Variants in TRIO observed in about 807,000 individuals in gnomAD.
TRIO encodes triple functional domain protein.
In TRIO, 58 loss-of-function variants were observed where a neutral mutation model predicts 351.9. The observed-to-expected ratio is 0.16, with a 90% CI of 0.13 to 0.21. TRIO has a LOEUF of 0.21. Among genes scored for constraint, TRIO ranks in the 10% least tolerant of loss-of-function variants. TRIO has a pLI of 1.00. For synonymous variants in TRIO, 1,758 were observed against 1,595.7 expected, an observed-to-expected ratio of 1.10 and a Z score of -2.42; for missense variants, 3,201 against 4,027.8, an observed-to-expected ratio of 0.79 and a Z score of 5.56.
chr5:14,248,261 C>T (rs1794549334), intron 1 of TRIO, among the ~76,000 whole-genome samples: 1 of 152,080 alleles, frequency 6.6e-6, no homozygotes, highest in Non-Finnish European at 1.5e-5. Context: ...AATGTTATTA[C>T]CTTCCCACTT....
intron 1 of TRIO, among the ~76,000 whole-genome samples, chr5:14,227,952 C>G (rs1793154775): frequency 1.3e-5 from 2 of 152,058 alleles, no homozygotes; most frequent in Non-Finnish European, 2.9e-5. Context: ...GTGAGGACAG[C>G]TCATCATTAA....
chr5:14,155,488 T>A (rs1222670457), intron 1 of TRIO, among the ~76,000 whole-genome samples: 17 of 152,216 alleles, frequency 1.1e-4, no homozygotes, highest in Admixed American at 1.1e-3. Context: ...AAAATTATGG[T>A]CCAGGATCTC....
At chr5:14,255,054 T>C (rs1400915900) in intron 1 of TRIO, among the ~76,000 whole-genome samples, 1 of 152,146 alleles carries the variant, frequency 6.6e-6, no homozygotes, top group South Asian at 2.1e-4. Context: ...GAATCCAAAA[T>C]TGATTTCAGA....
intron 40 of TRIO, among the ~76,000 whole-genome samples, chr5:14,474,409 T>C (rs1319774252): frequency 6.6e-6 from 1 of 152,208 alleles, no homozygotes; most frequent in Non-Finnish European, 1.5e-5. Context: ...TCGGCCTCCC[T>C]GCTGTACACT....
intron 34 of TRIO, among the ~76,000 whole-genome samples, chr5:14,445,505 G>A (rs1221179716): frequency 1.3e-5 from 2 of 152,130 alleles, no homozygotes; most frequent in Admixed American, 6.5e-5. Flanking sequence ...TTTAATATTT[G>A]ACTATAAGAA....
chr5:14,401,812 T>A (rs1273795699), intron 31 of TRIO, among the ~76,000 whole-genome samples: 2 of 152,142 alleles, frequency 1.3e-5, no homozygotes, highest in Non-Finnish European at 2.9e-5. Context: ...GGCTTTGGGA[T>A]GTTTGGGGGA....
At chr5:14,207,457 T>A (rs1464993885) in intron 1 of TRIO, among the ~76,000 whole-genome samples, 7 of 48,520 alleles carry the variant, frequency 1.4e-4, no homozygotes, top group Non-Finnish European at 2.3e-4. Flanking sequence ...AGCAAGACTG[T>A]CTCTCTACAC....
chr5:14,215,631 C>T (rs1454033515), intron 1 of TRIO, among the ~76,000 whole-genome samples: 1 of 152,126 alleles, frequency 6.6e-6, no homozygotes, highest in African/African-American at 2.4e-5. Context: ...GATCTTTTAG[C>T]GCCAAGATCT....
intron 55 of TRIO, 29 bp from the exon 56 acceptor site, chr5:14,507,093 A>T: frequency 6.4e-7 from 1 of 1,555,720 alleles, no homozygotes; most frequent in Non-Finnish European, 8.7e-7. Flanking sequence ...AAATCGCATC[A>T]TAACAGTCAC....
chr5:14,474,226 G>A (rs1278208906), intron 40 of TRIO, 129 bp downstream of exon 40: 2 of 790,376 alleles, frequency 2.5e-6, no homozygotes, highest in South Asian at 2.0e-5. Flanking sequence ...GGGAGCTGGT[G>A]CAAAGGAGAT....
At chr5:14,257,178 G>A (rs746454441) in intron 1 of TRIO, among the ~76,000 whole-genome samples, 2 of 152,236 alleles carry the variant, frequency 1.3e-5, no homozygotes, top group Non-Finnish European at 2.9e-5. Flanking sequence ...GTCCAGTCGC[G>A]GCTTTCCGCC....
chr5:14,481,583 G>A lies in TRIO; in HGVS notation c.6430G>A (p.Asp2144Asn), dbSNP rs747908803. The change falls in exon 45 of 57, where the codon GAC (aspartate) becomes AAC (asparagine). Residue 2144 changes from aspartate (D) to asparagine (N), a missense_variant. Coordinates refer to ENST00000344204, the MANE Select transcript of TRIO (RefSeq NM_007118.4). ...VMCIVPRRCN[D>N]MMNVGRLQGF... ...GTGCATAGTACCCAGGCGGTGCAAC[G>A]ACATGATGAACGTGGGGCGGCTGCA... is the stretch of plus-strand genomic sequence containing the variant. The A allele has an allele frequency of 3.7e-6, 6 of 1,614,008 alleles. No homozygotes were observed. The highest frequency in any genetic ancestry group is 1.1e-5 in the South Asian group (1 of 91,044).
chr5:14,428,434 G>A (rs1006992236), intron 34 of TRIO, among the ~76,000 whole-genome samples: 8 of 152,072 alleles, frequency 5.3e-5, no homozygotes, highest in African/African-American at 1.7e-4. Context: ...TGTTTGAACA[G>A]CTGCTAATGT....
At chr5:14,329,935 A>G (rs1489622108) in intron 9 of TRIO, among the ~76,000 whole-genome samples, 1 of 152,170 alleles carries the variant, frequency 6.6e-6, no homozygotes, top group African/African-American at 2.4e-5. Context: ...GTTTCAGTCC[A>G]CATTTGGTTG....
chr5:14,377,855 A>G (rs1029953153), intron 19 of TRIO, among the ~76,000 whole-genome samples, 157 bp from the exon 20 acceptor site: 1 of 152,216 alleles, frequency 6.6e-6, no homozygotes, highest in Admixed American at 6.5e-5. Context: ...GGTCTGGTAG[A>G]CATGCTCACT....
At chr5:14,244,908 C>A (rs1045457807) in intron 1 of TRIO, among the ~76,000 whole-genome samples, 1 of 152,080 alleles carries the variant, frequency 6.6e-6, no homozygotes, top group Admixed American at 6.5e-5. Flanking sequence ...AGGGGGTGGG[C>A]TGCAAGGGCA....
chr5:14,174,585 T>C (rs1789295267), intron 1 of TRIO, among the ~76,000 whole-genome samples: 1 of 152,210 alleles, frequency 6.6e-6, no homozygotes, highest in African/African-American at 2.4e-5. Flanking sequence ...CAGGGTCGTA[T>C]ACAACACACA....
At position 14,221,628 on chromosome 5, in the gene TRIO, A is replaced by T. The variant is rs528354411; in HGVS notation, c.158-49197A>T. Among the ~76,000 whole-genome samples, 6 of 152,368 alleles carry T rather than the reference A, an allele frequency of 3.9e-5. No individual in the cohort carries two copies. The South Asian group carries it at 1.2e-3, about 32-fold the overall frequency. ...CACTTCAGTGGAAGAAGTAACTACA[A>T]ATATGGTGGAAACGGCAAGAGAACT... On this transcript the variant is annotated intron_variant, in intron 1 of 56. Coordinates refer to ENST00000344204, the MANE Select transcript of TRIO (RefSeq NM_007118.4).
intron 34 of TRIO, among the ~76,000 whole-genome samples, chr5:14,425,142 T>C (rs1052733872): frequency 9.2e-5 from 14 of 152,250 alleles, no homozygotes; most frequent in African/African-American, 1.9e-4. Flanking sequence ...CACATTGTTA[T>C]GCAGCCGTCA....
Sources: allele counts gnomAD v4.1 joint callset (sites outside exome capture counted in the v4.1 genomes callset), GRCh38; gene constraint gnomAD v4.1.1; transcripts MANE v1.5; gene names NCBI Gene and HGNC (gene_info 2026-07-23, HGNC 2026-07-21).